Variants in KIF17 observed in about 807,000 individuals in gnomAD.
KIF17 encodes the protein kinesin family member 17, also known as kinesin-like protein KIF17.
In KIF17, 80 loss-of-function variants were observed where a neutral mutation model predicts 96.8. The ratio of observed to expected loss-of-function variants is 0.83; its 90% CI spans 0.69 to 1.00. The LOEUF (loss-of-function observed/expected upper bound fraction) is 1.00, where lower values mean the gene tolerates loss of function less well. KIF17 is among the 50% of genes least tolerant of loss of function. The pLI, the probability that KIF17 is intolerant of heterozygous loss-of-function variation, is 0.00. For synonymous variants in KIF17, 567 were observed against 587.5 expected (o/e 0.97, Z 0.51); for missense variants, 1,280 against 1,372.9 (o/e 0.93, Z 1.07).
At position 20,717,772 on chromosome 1, in the gene KIF17, C is replaced by A. The variant is rs1245029467; in HGVS notation, c.-66G>T. The A allele has an allele frequency of 1.1e-5, 16 of 1,465,360 alleles. 1 individual carries two copies. The highest frequency in any genetic ancestry group is 4.0e-5 in the South Asian group (3 of 74,588). 90.8% of individuals were successfully genotyped at this position (1,465,360 alleles called of 1,614,324 possible). A position where few individuals can be genotyped will look rare whatever the true frequency, so the allele number is the denominator to read the frequency against. The stretch of plus-strand genomic sequence containing the variant: ...GCCCCGCCGGGGACTCCCAGCAGCC[C>A]GGGCCAAGGGGCGGGGCCAGCGCCG... On this transcript the variant is annotated 5_prime_UTR_variant, in exon 1 of 15. Transcript: ENST00000400463.
At position 20,681,458 on chromosome 1, in the gene KIF17, C is replaced by T. The variant is rs146488184; in HGVS notation, c.2463+1195G>A. 6.5e-3 allele frequency among the ~76,000 whole-genome samples: 987 copies of T among 151,860 alleles called. 8 individuals are homozygous for T. Among genetic ancestry groups the T allele is most frequent in the African/African-American group, 0.022 (931 of 41,452 alleles). On this transcript the variant is annotated intron_variant, in intron 11 of 14. Transcript: ENST00000400463. ...CCTCCCATCTCAGCCTCCCAAAGTG[C>T]TGGGATTACAGGCGAGAGCCACCGC... is the stretch of plus-strand genomic sequence containing the variant.
At chr1:20,707,884 TAAAC>T (rs992878114) in intron 4 of KIF17, among the ~76,000 whole-genome samples, 10 of 146,380 alleles carry the variant, frequency 6.8e-5, no homozygotes, top group African/African-American at 2.5e-4. Context: ...TATATATAAA[TAAAC>T]ATATAAAGAA....
rs981236471 is a variant in KIF17 at position 20,664,198 on chromosome 1, G to A, written c.*386C>T. On this transcript the variant is annotated 3_prime_UTR_variant, in exon 15 of 15. Transcript: ENST00000400463. Reference sequence around the variant, plus strand: ...GCACAGTTCCTTCCCAGCTGATATTGAGCTTCCTCCACGTGGCAGCTGCTG... The same window carrying A: ...GCACAGTTCCTTCCCAGCTGATATTAAGCTTCCTCCACGTGGCAGCTGCTG... The A allele has an allele frequency of 2.3e-6, 1 of 440,956 alleles. No individual in the cohort carries two copies. Among genetic ancestry groups the A allele is most frequent in the Admixed American group, 4.0e-5 (1 of 24,932 alleles). The allele number at this position is 440,956 out of a possible 1,614,324, so 27.3% of individuals were successfully genotyped here.
chr1:20,686,428 C>T (rs2053939611), intron 8 of KIF17: 2 of 511,234 alleles, frequency 3.9e-6, no homozygotes, highest in African/African-American at 1.9e-5. Context: ...CCAGAAAGGT[C>T]ACACAACCAA....
At chr1:20,670,397 C>G in intron 13 of KIF17, 24 bp downstream of exon 13, 1 of 1,611,036 alleles carries the variant, frequency 6.2e-7, no homozygotes, top group Middle Eastern at 1.7e-4. Flanking sequence ...CCCGACACCC[C>G]ACTCCCTCTC....
rs564800080 is a variant in KIF17 at position 20,714,200 on chromosome 1, G to A, written c.379-645C>T. On this transcript the variant is annotated intron_variant, in intron 2 of 14. Coordinates refer to ENST00000400463, the MANE Select transcript of KIF17 (RefSeq NM_001122819.3). ...AAATTAGCCAGGCATGGTGGTGGGT[G>A]CCTGTAGTCCCAGCTACTCAGGAGG... Among the ~76,000 whole-genome samples the A allele has an allele frequency of 2.6e-5, 4 of 152,290 alleles. No individual in the cohort carries two copies. In the South Asian group the frequency reaches 6.2e-4, roughly 24 times the overall value.
chr1:20,714,348 C>T (rs527458308), intron 2 of KIF17, among the ~76,000 whole-genome samples: 33 of 151,040 alleles, frequency 2.2e-4, no homozygotes, highest in Non-Finnish European at 4.1e-4. Context: ...AAATTAGCTG[C>T]GCATGGTGGT....
At position 20,687,367 on chromosome 1, in the gene KIF17, A is replaced by G. The variant is rs776680340; in HGVS notation, c.1938+21T>C. The G allele has an allele frequency of 2.5e-6, 4 of 1,612,060 alleles. No homozygotes were observed. In the East Asian group the frequency reaches 8.9e-5, roughly 36 times the overall value. ...TCTGCCTGCTCAGTGTTCACATGGC[A>G]CCATGCGTGACATCAGCTACCTGCA... On this transcript the variant is annotated intron_variant, in intron 8 of 14. Coordinates refer to ENST00000400463, the MANE Select transcript of KIF17 (RefSeq NM_001122819.3). This position sits in a 1 kb window ranked among gnomAD's most constrained non-coding sequence, Gnocchi z 4.4.
rs4143111 is a variant in KIF17, at chr1:20,687,053, C to A, written c.1938+335G>T. On this transcript the variant is annotated intron_variant, in intron 8 of 14. Coordinates refer to ENST00000400463, the MANE Select transcript of KIF17 (RefSeq NM_001122819.3). This position sits in a 1 kb window ranked among gnomAD's most constrained non-coding sequence, Gnocchi z 4.4. The stretch of plus-strand genomic sequence containing the variant: ...GAGCGTCGCCCAGGGCTCCGTCAGG[C>A]CTGGACACTCACTGTAACCATGGCA... Among the ~76,000 whole-genome samples, 16,437 of 152,256 alleles carry A rather than the reference C, an allele frequency of 0.11. 1,136 individuals are homozygous for A. The highest frequency in any genetic ancestry group is 0.15 in the Non-Finnish European group (10,247 of 68,008).
chr1:20,688,613 T>G (rs2053982612), intron 7 of KIF17, among the ~76,000 whole-genome samples: 1 of 152,220 alleles, frequency 6.6e-6, no homozygotes. Context: ...TGGGGCCTTG[T>G]TGCCTTCCAA....
chr1:20,666,425 G>T, intron 13 of KIF17, 94 bp from the exon 14 acceptor site: 1 of 1,032,058 alleles, frequency 9.7e-7, no homozygotes. Flanking sequence ...AGTGGGGGCC[G>T]CCCCGAGCTT....
At position 20,686,195 on chromosome 1, in the gene KIF17, C is replaced by T. The variant is rs1442709104; in HGVS notation, c.1939-69G>A. The T allele has an allele frequency of 5.9e-6, 8 of 1,357,556 alleles. No homozygotes were observed. In the South Asian group the frequency reaches 7.5e-5, roughly 13 times the overall value. 84.1% of individuals were successfully genotyped at this position (1,357,556 alleles called of 1,614,324 possible). On this transcript the variant is annotated intron_variant, in intron 8 of 14. Coordinates refer to ENST00000400463, the MANE Select transcript of KIF17 (RefSeq NM_001122819.3). ...GCCAGAACCATCCTTTACTCCCTCA[C>T]CCCTGGCCTCACTTCAACTCCCCAA... is the stretch of plus-strand genomic sequence containing the variant.
chr1:20,680,047 C>T (rs767212621), intron 11 of KIF17, among the ~76,000 whole-genome samples: 6 of 152,158 alleles, frequency 3.9e-5, no homozygotes, highest in South Asian at 2.1e-4. Context: ...TGCAATGTCA[C>T]GATCTCCGCT....
intron 5 of KIF17, among the ~76,000 whole-genome samples, chr1:20,703,252 G>T (rs2154537118): frequency 6.6e-6 from 1 of 152,186 alleles, no homozygotes; most frequent in East Asian, 1.9e-4. Flanking sequence ...ATGAATAGAT[G>T]AGTGGATGAA....
At position 20,684,942 on chromosome 1, in the gene KIF17, G is replaced by T; in HGVS notation, c.2098C>A (p.Pro700Thr). 6.2e-7 allele frequency: 1 copy of T among 1,602,794 alleles called. No homozygotes were observed. Among genetic ancestry groups the T allele is most frequent in the Non-Finnish European group, 8.5e-7 (1 of 1,175,170 alleles). The change falls in exon 10 of 15, where the codon CCG becomes ACG. Residue 700 changes from proline (P) to threonine (T), a missense_variant. Transcript: ENST00000400463. The stretch of plus-strand genomic sequence containing the variant: ...TCAGGCTGAGCCACCAGGGCCACCG[G>T]GGCCTGAGCCTCCAACCACACGCCA... ...EPGVWLEAQA[P>T]VALVAQPEPL...
chr1:20,704,569 T>C lies in KIF17; in HGVS notation c.1001A>G (p.Asn334Ser), dbSNP rs1366650655. 1.2e-6 allele frequency: 2 copies of C among 1,614,194 alleles called. No homozygotes were observed. Among genetic ancestry groups the C allele is most frequent in the Non-Finnish European group, 1.7e-6 (2 of 1,180,026 alleles). Residue 334 changes from asparagine (N) to serine (S), a missense_variant, in exon 5 of 15, where the codon AAC becomes AGC. Transcript: ENST00000400463. The surrounding 1 kb of genome is among the most constrained non-coding windows in gnomAD (Gnocchi z 6.8). The part of the protein sequence containing the change: ...STLRYANRAK[N>S]IRNKPRINED... ...ATTGATGCGCGGCTTGTTCCTGATG[T>C]TCTTGGCCCGGTTGGCGTAGCGCAG... is the stretch of plus-strand genomic sequence containing the variant.
rs1455806897 is a variant in KIF17, at chr1:20,712,771, TA to T, written c.480+682del. 4.3e-5 allele frequency among the ~76,000 whole-genome samples: 4 copies of T among 93,494 alleles called. 2 individuals carry two copies. The highest frequency in any genetic ancestry group is 2.9e-4 in the Admixed American group (2 of 6,914). The allele number at this position is 93,494 out of a possible 152,430, so 61.3% of individuals were successfully genotyped here. A position where few individuals can be genotyped will look rare whatever the true frequency, so the allele number is the denominator to read the frequency against. On this transcript the variant is annotated intron_variant, in intron 3 of 14. Coordinates refer to ENST00000400463, the MANE Select transcript of KIF17 (RefSeq NM_001122819.3). Reference sequence around the variant, plus strand: ...TATAAAATTATATTATATCTATATATAATATAGATAATATCTATATATAAAT... The same window carrying T: ...TATAAAATTATATTATATCTATATATATATAGATAATATCTATATATAAAT...
intron 13 of KIF17, among the ~76,000 whole-genome samples, chr1:20,666,791 T>C (rs1450515271): frequency 6.6e-6 from 1 of 152,240 alleles, no homozygotes. Context: ...GCTATTATTT[T>C]TCCCCACTAT....
rs147267357 is a variant in KIF17 at position 20,687,034 on chromosome 1, C to T, written c.1938+354G>A. Among the ~76,000 whole-genome samples the T allele has an allele frequency of 2.0e-3, 312 of 152,330 alleles. 1 individual carries two copies. The highest frequency in any genetic ancestry group is 7.1e-3 in the African/African-American group (294 of 41,568). On this transcript the variant is annotated intron_variant, in intron 8 of 14. Transcript: ENST00000400463. This position sits in a 1 kb window ranked among gnomAD's most constrained non-coding sequence, Gnocchi z 4.4. ...ACAGAGCTCACGAGCCAGTGAGCGTCGCCCAGGGCTCCGTCAGGCCTGGAC... is the reference window on the plus strand; with the variant it reads ...ACAGAGCTCACGAGCCAGTGAGCGTTGCCCAGGGCTCCGTCAGGCCTGGAC...
Sources: allele counts gnomAD v4.1 joint callset (sites outside exome capture counted in the v4.1 genomes callset), GRCh38; gene constraint gnomAD v4.1.1; non-coding constraint Gnocchi (gnomAD v3.1); transcripts MANE v1.5; gene names NCBI Gene and HGNC (gene_info 2026-07-23, HGNC 2026-07-21).